Variants in PCDH7 observed in about 807,000 individuals in gnomAD.
PCDH7 encodes protocadherin 7.
In PCDH7, 17 loss-of-function variants were observed where a neutral mutation model predicts 58.9. The ratio of observed to expected loss-of-function variants is 0.29; its 90% confidence interval spans 0.20 to 0.43. PCDH7 has a LOEUF of 0.43. PCDH7 is among the 20% of genes least tolerant of loss of function. The pLI is 1.00. For synonymous variants in PCDH7, 664 were observed against 616.4 expected (o/e 1.08, Z -1.14); for missense variants, 1,274 against 1,441.0 (o/e 0.88, Z 1.88).
chr4:30,816,421 T>A (rs766849571), intron 1 of PCDH7, among the ~76,000 whole-genome samples: 5 of 152,226 alleles, frequency 3.3e-5, no homozygotes, highest in Non-Finnish European at 7.3e-5. Flanking sequence ...CACATTTTCT[T>A]GTGACAACTT....
intron 3 of PCDH7, among the ~76,000 whole-genome samples, chr4:31,141,009 T>A (rs1440049182): frequency 6.6e-6 from 1 of 152,210 alleles, no homozygotes; most frequent in Non-Finnish European, 1.5e-5. Context: ...GTTTCAATAA[T>A]CGATGGGCCG....
chr4:31,144,506 T>C (rs1346041064), downstream of PCDH7: 1 of 152,160 alleles, frequency 6.6e-6, no homozygotes, highest in Non-Finnish European at 1.5e-5. Flanking sequence ...AACAAACTTA[T>C]CACTGAATGT....
intron 3 of PCDH7, among the ~76,000 whole-genome samples, chr4:31,061,993 G>A (rs964163212): frequency 7.9e-5 from 12 of 151,542 alleles, no homozygotes; most frequent in South Asian, 4.1e-4. Context: ...ATAATGTGTC[G>A]GAAAGCAAAT....
rs535569825 is a variant in PCDH7 at position 31,114,181 on chromosome 4, C to T, written c.*8-28292C>T. On this transcript the variant is annotated intron_variant, in intron 3 of 3. Coordinates refer to the PCDH7 transcript ENST00000509759. ...TATCACCAAAATGTTTTGTATTATT[C>T]TATCCTCATTTTTCAGTTAAAAACT... is the stretch of plus-strand genomic sequence containing the variant. Among the ~76,000 whole-genome samples, 10 of 152,178 alleles carry T rather than the reference C, an allele frequency of 6.6e-5. No homozygotes were observed. In the South Asian group the frequency reaches 1.9e-3, roughly 28 times the overall value.
At chr4:31,025,753 C>T (rs966111276) in intron 3 of PCDH7, among the ~76,000 whole-genome samples, 11 of 152,116 alleles carry the variant, frequency 7.2e-5, no homozygotes, top group African/African-American at 2.7e-4. Flanking sequence ...AGATTCCAAG[C>T]CTAGTGATTT....
intron 1 of PCDH7, among the ~76,000 whole-genome samples, chr4:30,778,373 T>C (rs1722344929): frequency 6.6e-6 from 1 of 152,146 alleles, no homozygotes; most frequent in Admixed American, 6.5e-5. Flanking sequence ...TTAAGACTTA[T>C]GATCTATTTT....
intron 2 of PCDH7, among the ~76,000 whole-genome samples, chr4:30,936,764 G>A (rs906467568): frequency 3.3e-5 from 5 of 152,052 alleles, no homozygotes; most frequent in Non-Finnish European, 7.4e-5. Flanking sequence ...ATTGGGAAGA[G>A]ACTAATAGAT....
At chr4:31,107,650 A>G (rs993584107) in intron 3 of PCDH7, among the ~76,000 whole-genome samples, 66 of 152,172 alleles carry the variant, frequency 4.3e-4, no homozygotes, top group African/African-American at 1.4e-3. Context: ...CTTCAGTTTC[A>G]CTTTGGGCTT....
intron 1 of PCDH7, among the ~76,000 whole-genome samples, chr4:30,907,332 C>T (rs35262065): frequency 4.6e-5 from 7 of 151,962 alleles, no homozygotes; most frequent in Non-Finnish European, 8.8e-5. Context: ...CTACAGAATG[C>T]GAGAAAATTT....
rs141117164 is a variant in PCDH7, at chr4:30,767,380, C to A, written c.70+42784C>A. The stretch of plus-strand genomic sequence containing the variant: ...GTGATTAGACCTTAGTTAGTAGGGA[C>A]CCCTAGGGAAAATTTCAGTGCCACA... On this transcript the variant is annotated intron_variant, in intron 1 of 3. Coordinates refer to the PCDH7 transcript ENST00000509759. Among the ~76,000 whole-genome samples the A allele has an allele frequency of 2.6e-5, 4 of 152,214 alleles. No individual in the cohort carries two copies. In the East Asian group the frequency reaches 7.7e-4, roughly 29 times the overall value.
chr4:30,929,648 A>G (rs1333703440), intron 2 of PCDH7, among the ~76,000 whole-genome samples: 1 of 152,106 alleles, frequency 6.6e-6, no homozygotes, highest in Non-Finnish European at 1.5e-5. Context: ...ACAATAGGAT[A>G]GTATCCAGCT....
intron 1 of PCDH7, among the ~76,000 whole-genome samples, chr4:30,834,343 C>T (rs61209816): frequency 0.012 from 1,873 of 152,248 alleles, 42 homozygotes; most frequent in African/African-American, 0.043. Flanking sequence ...ATCATTGCTC[C>T]TGCTCATCAC....
At chr4:30,772,912 T>G (rs1345578593) in intron 1 of PCDH7, among the ~76,000 whole-genome samples, 1 of 152,194 alleles carries the variant, frequency 6.6e-6, no homozygotes, top group East Asian at 1.9e-4. Flanking sequence ...CTAATCCCTT[T>G]TTTTTGTGAG....
chr4:30,824,115 CTT>C (rs372859959), intron 1 of PCDH7, among the ~76,000 whole-genome samples: 1 of 142,184 alleles, frequency 7.0e-6, no homozygotes, highest in Non-Finnish European at 1.5e-5. Flanking sequence ...TTCTTTCTTT[CTT>C]TCTTTCTTTC....
At chr4:30,760,620 T>C (rs56797750) in intron 1 of PCDH7, among the ~76,000 whole-genome samples, 2,015 of 152,106 alleles carry the variant, frequency 0.013, 36 homozygotes, top group African/African-American at 0.046. Flanking sequence ...ATAAAATACC[T>C]AGGAATACAG....
At chr4:31,048,048 A>G (rs998791138) in intron 3 of PCDH7, among the ~76,000 whole-genome samples, 1 of 152,098 alleles carries the variant, frequency 6.6e-6, no homozygotes, top group Non-Finnish European at 1.5e-5. Context: ...AGTTATCTAT[A>G]TGAGTATTTG....
At chr4:30,727,335 T>C (rs779032149) in intron 1 of PCDH7, among the ~76,000 whole-genome samples, 2 of 151,936 alleles carry the variant, frequency 1.3e-5, no homozygotes, top group Non-Finnish European at 2.9e-5. Flanking sequence ...TAAACAGCTT[T>C]GTAGAAATGA....
intron 3 of PCDH7, among the ~76,000 whole-genome samples, chr4:31,059,414 TCAA>T (rs148454217): frequency 0.019 from 2,872 of 152,044 alleles, 85 homozygotes; most frequent in African/African-American, 0.065. Context: ...CCAGGCCTCT[TCAA>T]CACTCATTGA....
chr4:30,891,827 T>C (rs192020436), intron 1 of PCDH7, among the ~76,000 whole-genome samples: 16 of 151,828 alleles, frequency 1.1e-4, no homozygotes, highest in Admixed American at 9.2e-4. Flanking sequence ...GTGTCCATTG[T>C]ATAAGTTACT....
Sources: allele counts gnomAD v4.1 joint callset (sites outside exome capture counted in the v4.1 genomes callset), GRCh38; gene constraint gnomAD v4.1.1; transcripts MANE v1.5; gene names NCBI Gene and HGNC (gene_info 2026-07-23, HGNC 2026-07-21).